Variants in MYO3B observed in about 807,000 individuals in gnomAD.
MYO3B encodes the protein myosin IIIB.
Under a neutral mutation model 174.6 loss-of-function variants are expected in MYO3B, and 156 were observed. The observed-to-expected ratio is 0.89, with a 90% CI of 0.78 to 1.02. The LOEUF (loss-of-function observed/expected upper bound fraction) is 1.02, where lower values mean the gene tolerates loss of function less well. Ranked by LOEUF, MYO3B falls within the 50% of genes least tolerant of loss-of-function variation. The probability of loss-of-function intolerance (pLI) is 0.00; values close to 1 mark genes in which losing one functional copy is unlikely to be tolerated. For missense variants in MYO3B, 1,632 were observed against 1,639.4 expected, an observed-to-expected ratio of 1.00 and a Z score of 0.08; for synonymous variants, 563 against 569.1, an observed-to-expected ratio of 0.99 and a Z score of 0.15.
chr2:170,264,773 A>C (rs1294465291), intron 7 of MYO3B, among the ~76,000 whole-genome samples: 1 of 152,136 alleles, frequency 6.6e-6, no homozygotes, highest in Non-Finnish European at 1.5e-5. Flanking sequence ...TGGAAAGAGG[A>C]TATTTGTTGG....
intron 23 of MYO3B, among the ~76,000 whole-genome samples, chr2:170,454,302 G>A (rs1056445977): frequency 3.3e-5 from 5 of 152,160 alleles, no homozygotes; most frequent in Admixed American, 1.3e-4. Context: ...GGGAGGAGGT[G>A]TTGGCAGCTC....
At chr2:170,214,525 G>A (rs1263424863) in intron 4 of MYO3B, 42 bp downstream of exon 4, 1 of 1,580,500 alleles carries the variant, frequency 6.3e-7, no homozygotes, top group Non-Finnish European at 8.7e-7. Flanking sequence ...CAGATGGGAT[G>A]GTTTGTTCAT....
chr2:170,399,666 C>T lies in MYO3B; in HGVS notation c.1792-522C>T, dbSNP rs971406329. On this transcript the variant is annotated intron_variant, in intron 16 of 34. Transcript: ENST00000408978. ...TGTCTTCCCAACTACTTCATAAAAG[C>T]GATATTCAAAAGAGGTTAAGGAAAC... 5.9e-5 allele frequency among the ~76,000 whole-genome samples: 9 copies of T among 151,900 alleles called. 1 individual carries two copies. Among genetic ancestry groups the T allele is most frequent in the Admixed American group, 5.2e-4 (8 of 15,246 alleles).
chr2:170,272,630 T>C (rs1285679130), intron 7 of MYO3B, among the ~76,000 whole-genome samples: 1 of 152,110 alleles, frequency 6.6e-6, no homozygotes, highest in African/African-American at 2.4e-5. Context: ...CCAAAAACCA[T>C]GTGTTGAGAA....
intron 3 of MYO3B, among the ~76,000 whole-genome samples, chr2:170,209,040 T>C (rs1172859044): frequency 2.6e-5 from 4 of 152,196 alleles, no homozygotes; most frequent in African/African-American, 9.6e-5. Context: ...AGGAACCCTA[T>C]ACAGGTACTG....
intron 3 of MYO3B, among the ~76,000 whole-genome samples, chr2:170,212,640 AAAAAG>A (rs1407893762): frequency 1.3e-5 from 2 of 152,178 alleles, no homozygotes; most frequent in Non-Finnish European, 2.9e-5. Context: ...GAAAAGGAAA[AAAAAG>A]AAAGAACTCA....
chr2:170,392,430 G>T lies in MYO3B; in HGVS notation c.1726G>T (p.Glu576Ter). The T allele has an allele frequency of 6.2e-7, 1 of 1,600,182 alleles. No individual in the cohort carries two copies. Among genetic ancestry groups the T allele is most frequent in the Non-Finnish European group, 8.5e-7 (1 of 1,171,778 alleles). The change falls in exon 16 of 35, where the codon GAG (glutamate) becomes TAG (stop). Residue 576 changes from glutamate to a stop codon, truncating the protein, a stop_gained. Transcript: ENST00000408978. LOFTEE classifies it high-confidence loss of function. ...GGTGATGCACGACATAACTTCCAAG[G>T]AGTCTTACAGAAGACAATTCGAAGC... ...GRVMHDITSKESYRRQFEAIQ... is the reference protein window; with the variant it reads ...GRVMHDITSK
At chr2:170,388,950 T>C (rs2105759359) in intron 14 of MYO3B, among the ~76,000 whole-genome samples, 1 of 152,300 alleles carries the variant, frequency 6.6e-6, no homozygotes, top group Non-Finnish European at 1.5e-5. Context: ...TGAGGTCCCC[T>C]GCTTTTGTCT....
intron 6 of MYO3B, among the ~76,000 whole-genome samples, chr2:170,229,409 T>C (rs2092990201): frequency 6.6e-6 from 1 of 152,208 alleles, no homozygotes; most frequent in Admixed American, 6.5e-5. Flanking sequence ...GAAATTTTAA[T>C]CCTGACCTTT....
intron 23 of MYO3B, among the ~76,000 whole-genome samples, chr2:170,462,556 C>T (rs573913098): frequency 6.6e-6 from 1 of 152,386 alleles, no homozygotes; most frequent in South Asian, 2.1e-4. Flanking sequence ...CGGCAGTCCA[C>T]CCAGCCTAAC....
At chr2:170,482,275 C>T (rs933544134) in intron 25 of MYO3B, among the ~76,000 whole-genome samples, 3 of 152,126 alleles carry the variant, frequency 2.0e-5, no homozygotes, top group Non-Finnish European at 4.4e-5. Context: ...CTGCCTCAGC[C>T]TCTCGAGTAG....
intron 32 of MYO3B, chr2:170,644,377 C>A (rs893351795): frequency 3.9e-5 from 6 of 151,982 alleles, no homozygotes; most frequent in African/African-American, 1.5e-4. Flanking sequence ...ACCTTCACCT[C>A]CCAGGTTCAA....
intron 16 of MYO3B, among the ~76,000 whole-genome samples, chr2:170,393,395 A>G (rs2094426551): frequency 6.6e-6 from 1 of 151,866 alleles, no homozygotes; most frequent in African/African-American, 2.4e-5. Context: ...ATACTGTACT[A>G]CCCTTATCAT....
intron 32 of MYO3B, chr2:170,644,746 G>C (rs1698237474): frequency 6.6e-6 from 1 of 152,154 alleles, no homozygotes; most frequent in Non-Finnish European, 1.5e-5. Flanking sequence ...TCTCACCAAG[G>C]GCTTGGGCAC....
chr2:170,527,215 G>C (rs918337517), intron 30 of MYO3B, among the ~76,000 whole-genome samples: 18 of 152,202 alleles, frequency 1.2e-4, no homozygotes, highest in Admixed American at 1.2e-3. Flanking sequence ...GAGAGGTCCA[G>C]TGAGAAGAAG....
intron 8 of MYO3B, among the ~76,000 whole-genome samples, chr2:170,364,474 C>T (rs1456511514): frequency 2.0e-5 from 3 of 152,102 alleles, no homozygotes; most frequent in Non-Finnish European, 4.4e-5. Context: ...GTTGGCTGGC[C>T]CCCAATCCCA....
In MYO3B at chr2:170,383,934, GAC is replaced by G. The variant is rs1246656325; in HGVS notation, c.1290+122_1290+123del. 4.1e-6 allele frequency: 3 copies of G among 738,840 alleles called. No individual in the cohort carries two copies. In the East Asian group the frequency reaches 7.6e-5, roughly 19 times the overall value. The allele number at this position is 738,840 out of a possible 1,614,324, so 45.8% of individuals were successfully genotyped here. ...CCGGTTGCTGGTGCTGACCCAAAGA[GAC>G]AGGAGATGAAGTGGCAGCTCTGTGG... On this transcript the variant is annotated intron_variant, in intron 12 of 34. Coordinates refer to ENST00000408978, the MANE Select transcript of MYO3B (RefSeq NM_138995.5).
intron 32 of MYO3B, among the ~76,000 whole-genome samples, chr2:170,611,226 A>G (rs1449805572): frequency 6.6e-6 from 1 of 152,218 alleles, no homozygotes; most frequent in Non-Finnish European, 1.5e-5. Context: ...TTGGCAGATT[A>G]AAAACACTCT....
chr2:170,478,487 C>T (rs1685451069), intron 25 of MYO3B, among the ~76,000 whole-genome samples: 1 of 149,678 alleles, frequency 6.7e-6, no homozygotes, highest in Admixed American at 6.7e-5. Context: ...TTTTCTAATT[C>T]CGTGGCCATG....
Sources: allele counts gnomAD v4.1 joint callset (sites outside exome capture counted in the v4.1 genomes callset), GRCh38; gene constraint gnomAD v4.1.1; transcripts MANE v1.5; gene names NCBI Gene and HGNC (gene_info 2026-07-23, HGNC 2026-07-21).